RC3H1: variants seen among roughly 807,000 people sequenced by gnomAD.
The protein encoded by RC3H1 is roquin-1.
RC3H1 carries 50 observed loss-of-function variants against 138.2 expected under a neutral mutation model. The ratio of observed to expected loss-of-function variants is 0.36; its 90% CI spans 0.29 to 0.46. The LOEUF (loss-of-function observed/expected upper bound fraction) is 0.46. Ranked by LOEUF, RC3H1 falls within the 20% of genes least tolerant of loss-of-function variation. The pLI is 1.00. For missense variants in RC3H1, 1,031 were observed against 1,388.1 expected (o/e 0.74, Z 4.09); for synonymous variants, 462 against 489.1 (o/e 0.94, Z 0.73).
chr1:173,993,047 C>G lies in RC3H1; in HGVS notation c.-62G>C. 1.6e-6 allele frequency: 2 copies of G among 1,225,134 alleles called. No homozygotes were observed. Among genetic ancestry groups the G allele is most frequent in the Non-Finnish European group, 2.4e-6 (2 of 845,392 alleles). The allele number at this position is 1,225,134 out of a possible 1,614,324, so 75.9% of individuals were successfully genotyped here. ...ACACAAATCTAAAGCAAAGATTCCA[C>G]TGGAATCAAAATCTTTGAAAAAAAG... On this transcript the variant is annotated 5_prime_UTR_variant, in exon 2 of 20. Transcript: ENST00000367696.
At chr1:173,952,220 CAG>C in intron 13 of RC3H1, 82 bp from the exon 14 acceptor site, 1 of 958,484 alleles carries the variant, frequency 1.0e-6, no homozygotes, top group Non-Finnish European at 1.4e-6. Context: ...AGTAACAAGA[CAG>C]AGAAAGCAGG....
intron 14 of RC3H1, 48 bp from the exon 15 acceptor site, chr1:173,947,630 G>A (rs1468387659): frequency 6.9e-7 from 1 of 1,446,108 alleles, no homozygotes; most frequent in East Asian, 2.3e-5. Flanking sequence ...AGATCGCTCT[G>A]TAACCTAATT....
At chr1:173,993,174 C>G (rs939116257) in intron 1 of RC3H1, 39 bp from the exon 2 acceptor site, 114 of 571,332 alleles carry the variant, frequency 2.0e-4, no homozygotes, top group African/African-American at 2.0e-3. Flanking sequence ...GAGTGTCTTT[C>G]TTTTCAATTA....
intron 1 of RC3H1, among the ~76,000 whole-genome samples, chr1:174,011,406 A>T (rs1375396411): frequency 6.6e-6 from 1 of 152,162 alleles, no homozygotes; most frequent in Non-Finnish European, 1.5e-5. Context: ...TCAATGGGGT[A>T]ATTAATGTAA....
Position 173,937,455 on chromosome 1 carries a change from C to T in RC3H1, c.*1266G>A, listed in dbSNP as rs1479896138. ...TATATCAAACAGTCCCCACTAAACA[C>T]GTTTTATAGGGTCTTAGTTAATTAA... On this transcript the variant is annotated 3_prime_UTR_variant, in exon 20 of 20. Coordinates refer to ENST00000367696, the MANE Select transcript of RC3H1 (RefSeq NM_172071.4). 2.0e-5 allele frequency: 3 copies of T among 151,646 alleles called. No homozygotes were observed. The highest frequency in any genetic ancestry group is 1.9e-4 in the East Asian group (1 of 5,156). The allele number at this position is 151,646 out of a possible 1,614,324, so 9.4% of individuals were successfully genotyped here. A position where few individuals can be genotyped will look rare whatever the true frequency, so the allele number is the denominator to read the frequency against.
intron 1 of RC3H1, among the ~76,000 whole-genome samples, chr1:174,019,621 T>C (rs1661922908): frequency 1.3e-5 from 2 of 152,238 alleles, no homozygotes; most frequent in Non-Finnish European, 2.9e-5. Flanking sequence ...AAATCAAGCA[T>C]ATATTAACTT....
rs143152120 is a variant in RC3H1 at position 173,961,811 on chromosome 1, G to A, written c.2116C>T (p.Pro706Ser). The A allele has an allele frequency of 2.2e-3, 3,524 of 1,613,744 alleles. 5 individuals carry two copies. Among genetic ancestry groups the A allele is most frequent in the Non-Finnish European group, 2.7e-3 (3,166 of 1,179,992 alleles). Residue 706 changes from proline (P) to serine (S), a missense_variant, in exon 12 of 20, where the codon CCA (proline) becomes TCA (serine). By Grantham distance (74) the Pro-to-Ser change is moderately conservative. Around this residue, in one of 7 missense-constraint regions of RC3H1, gnomAD observed 716 missense variants for 837.9 expected, o/e 0.85. Coordinates refer to ENST00000367696, the MANE Select transcript of RC3H1 (RefSeq NM_172071.4). The stretch of plus-strand genomic sequence containing the variant: ...TGTTGGTATCTTTCTCTGGATTCTG[G>A]TACATACGATGGTACTGCTGCAGGT... ...IPPAAVPSYV[P>S]ESRERYQQIE...
chr1:173,996,358 G>A (rs1661461434), intron 1 of RC3H1, among the ~76,000 whole-genome samples: 1 of 151,992 alleles, frequency 6.6e-6, no homozygotes, highest in Non-Finnish European at 1.5e-5. Context: ...TTACATATTA[G>A]TCTACGTATT....
At chr1:173,964,377 A>T (rs1660012568) in intron 10 of RC3H1, among the ~76,000 whole-genome samples, 190 bp from the exon 11 acceptor site, 1 of 151,368 alleles carries the variant, frequency 6.6e-6, no homozygotes, top group African/African-American at 2.4e-5. Context: ...TTTGAGACAG[A>T]GTCTCGCTCT....
intron 7 of RC3H1, among the ~76,000 whole-genome samples, chr1:173,974,659 T>TG (rs60132488): frequency 1.3e-5 from 2 of 151,388 alleles, no homozygotes; most frequent in Admixed American, 6.6e-5. Flanking sequence ...GGGAATTAAG[T>TG]GGAAAAAAAG....
intron 17 of RC3H1, 116 bp from the exon 18 acceptor site, chr1:173,943,731 C>A (rs949517751): frequency 1.1e-6 from 1 of 933,414 alleles, no homozygotes. Context: ...CCATTTGCAA[C>A]AAAATAATGC....
At chr1:173,981,114 T>G (rs1660795998) in intron 5 of RC3H1, 105 bp from the exon 6 acceptor site, 1 of 882,136 alleles carries the variant, frequency 1.1e-6, no homozygotes, top group Non-Finnish European at 1.7e-6. Context: ...ACAGCAAGAT[T>G]AAATGAATAT....
chr1:173,942,436 A>AAAAAAAAAAAAAAAAAAAAAAAAG, intron 18 of RC3H1, among the ~76,000 whole-genome samples: 1 of 149,276 alleles, frequency 6.7e-6, no homozygotes, highest in African/African-American at 2.5e-5. Flanking sequence ...CTCAAAAAAA[A>AAAAAAAAAAAAAAAAAAAAAAAAG]AAAAAAAAAA....
At chr1:173,986,522 C>A (rs1661039368) in intron 2 of RC3H1, among the ~76,000 whole-genome samples, 3 of 152,014 alleles carry the variant, frequency 2.0e-5, no homozygotes, top group Non-Finnish European at 4.4e-5. Context: ...TCAAGCCATC[C>A]ACCCACCTTG....
At chr1:173,999,621 G>C (rs1179748349) in intron 1 of RC3H1, among the ~76,000 whole-genome samples, 2 of 152,208 alleles carry the variant, frequency 1.3e-5, no homozygotes, top group East Asian at 3.8e-4. Flanking sequence ...AAATTGTGAT[G>C]ACATGATGCA....
In RC3H1 at chr1:173,946,630, G is replaced by A. The variant is rs1659149739; in HGVS notation, c.2829-22C>T. The A allele has an allele frequency of 3.7e-6, 6 of 1,611,180 alleles. No homozygotes were observed. The South Asian group carries it at 5.5e-5, about 15-fold the overall frequency. ...CTCCCTTTGGTTAGAAAGAAAGTGT[G>A]AATCAAATTTTAACATTTCATTTTG... On this transcript the variant is annotated intron_variant, in intron 16 of 19. Transcript: ENST00000367696.
In RC3H1 at chr1:173,951,264, G is replaced by A. The variant is rs543148028; in HGVS notation, c.2523+722C>T. Among the ~76,000 whole-genome samples, 18 of 152,264 alleles carry A rather than the reference G, an allele frequency of 1.2e-4. No individual in the cohort carries two copies. The East Asian group carries it at 3.3e-3, about 28-fold the overall frequency. On this transcript the variant is annotated intron_variant, in intron 14 of 19. Coordinates refer to ENST00000367696, the MANE Select transcript of RC3H1 (RefSeq NM_172071.4). Reference sequence around the variant, plus strand: ...CACTTGAACCTGGGAAGTGGAGGTTGTGGTGAGCCGAGATCGCGCCATTGA... The same window carrying A: ...CACTTGAACCTGGGAAGTGGAGGTTATGGTGAGCCGAGATCGCGCCATTGA...
At chr1:173,964,586 C>T (rs1660021523) in intron 10 of RC3H1, among the ~76,000 whole-genome samples, 1 of 151,740 alleles carries the variant, frequency 6.6e-6, no homozygotes, top group East Asian at 1.9e-4. Flanking sequence ...AGGCTGGTCT[C>T]GAACTTCTGG....
At chr1:173,952,669 A>C (rs1258126303) in intron 13 of RC3H1, among the ~76,000 whole-genome samples, 5 of 152,196 alleles carry the variant, frequency 3.3e-5, no homozygotes, top group Admixed American at 2.6e-4. Flanking sequence ...TATCTTGAAT[A>C]AATTCTGTTC....
Sources: gnomAD v4.1 joint callset for allele counts (sites outside exome capture counted in the v4.1 genomes callset) on GRCh38, gnomAD v4.1.1 for gene constraint, gnomAD v4.1.1 regional missense constraint, MANE v1.5 for transcripts, NCBI Gene and HGNC (gene_info 2026-07-23, HGNC 2026-07-21) for gene names.